The following DNAAF9 variants were observed in gnomAD, a reference collection of about 807,000 sequenced individuals.
The protein encoded by DNAAF9 is shulin.
Under a neutral mutation model 167.0 loss-of-function variants are expected in DNAAF9, and 90 were observed. The ratio of observed to expected loss-of-function variants is 0.54; its 90% confidence interval spans 0.45 to 0.64. The LOEUF (loss-of-function observed/expected upper bound fraction) is 0.64, where lower values mean the gene tolerates loss of function less well. Ranked by LOEUF, DNAAF9 falls within the 30% of genes least tolerant of loss-of-function variation. DNAAF9 has a pLI of 0.00. For synonymous variants in DNAAF9, 491 were observed against 508.8 expected (o/e 0.96, Z 0.47); for missense variants, 1,315 against 1,442.2 (o/e 0.91, Z 1.43).
intron 14 of DNAAF9, among the ~76,000 whole-genome samples, chr20:3,324,684 T>A (rs1312133234): frequency 6.6e-6 from 1 of 152,174 alleles, no homozygotes; most frequent in Non-Finnish European, 1.5e-5. Context: ...CCTCAGAACA[T>A]GTGTGTGACT....
chr20:3,253,985 TC>T (rs2068235754), intron 35 of DNAAF9, among the ~76,000 whole-genome samples, 166 bp from the exon 36 acceptor site: 1 of 152,210 alleles, frequency 6.6e-6, no homozygotes, highest in East Asian at 1.9e-4. Context: ...CTGAGGTGGT[TC>T]CCCACCTCTC....
At chr20:3,285,681 T>TAA (rs774457454) in intron 27 of DNAAF9, among the ~76,000 whole-genome samples, 25,652 of 103,700 alleles carry the variant, frequency 0.25, 2,609 homozygotes, top group African/African-American at 0.29. Flanking sequence ...TCTGTCTCAT[T>TAA]AAAAAAAAAA....
intron 27 of DNAAF9, among the ~76,000 whole-genome samples, chr20:3,284,542 CTG>C (rs1276506048): frequency 6.6e-6 from 1 of 152,134 alleles, no homozygotes; most frequent in Non-Finnish European, 1.5e-5. Flanking sequence ...AGGCAAAAAA[CTG>C]TCTCTTCACG....
At chr20:3,308,336 C>A in intron 20 of DNAAF9, among the ~76,000 whole-genome samples, 1 of 124,566 alleles carries the variant, frequency 8.0e-6, no homozygotes, top group South Asian at 2.8e-4. Context: ...CTGTACAAAA[C>A]TTTACTTTTT....
At chr20:3,253,650 G>A (rs2068229889) in intron 36 of DNAAF9, 76 bp downstream of exon 36, 3 of 881,906 alleles carry the variant, frequency 3.4e-6, no homozygotes, top group South Asian at 2.7e-5. Flanking sequence ...GCAGACAACC[G>A]CTTTGCAGAC....
chr20:3,395,981 G>C (rs559670597), intron 1 of DNAAF9, among the ~76,000 whole-genome samples: 16 of 152,238 alleles, frequency 1.1e-4, no homozygotes, highest in African/African-American at 3.4e-4. Context: ...TCCCTGTGCT[G>C]TTCCCATGAC....
chr20:3,301,840 C>T (rs1240212071), intron 21 of DNAAF9, among the ~76,000 whole-genome samples: 2 of 152,082 alleles, frequency 1.3e-5, no homozygotes, highest in Admixed American at 6.6e-5. Context: ...AAAGATACAA[C>T]TCTTCGCAGA....
At chr20:3,344,113 G>T (rs2070143970) in intron 8 of DNAAF9, among the ~76,000 whole-genome samples, 1 of 152,246 alleles carries the variant, frequency 6.6e-6, no homozygotes, top group Non-Finnish European at 1.5e-5. Flanking sequence ...GGTCCAAGTT[G>T]CTAATCATGT....
At chr20:3,395,512 C>T (rs924755364) in intron 1 of DNAAF9, among the ~76,000 whole-genome samples, 1 of 152,052 alleles carries the variant, frequency 6.6e-6, no homozygotes, top group Non-Finnish European at 1.5e-5. Context: ...AACTCCTGGC[C>T]TCAAGCAATC....
At chr20:3,286,827 A>G (rs1356795819) in intron 27 of DNAAF9, among the ~76,000 whole-genome samples, 2 of 152,212 alleles carry the variant, frequency 1.3e-5, no homozygotes, top group African/African-American at 2.4e-5. Flanking sequence ...AAACACTAAC[A>G]TAGCACAAAA....
At chr20:3,379,369 T>G (rs1014315070) in intron 3 of DNAAF9, among the ~76,000 whole-genome samples, 68 of 148,526 alleles carry the variant, frequency 4.6e-4, no homozygotes, top group African/African-American at 1.6e-3. Context: ...CCCAACACTG[T>G]GAGGCCAAGG....
chr20:3,268,278 G>A (rs1319821665), intron 30 of DNAAF9, among the ~76,000 whole-genome samples: 34 of 151,026 alleles, frequency 2.3e-4, no homozygotes, highest in African/African-American at 8.3e-4. Context: ...CAGGTGATAC[G>A]CCCGCCTCGC....
At chr20:3,310,327 G>GAA (rs1568596495) in intron 20 of DNAAF9, among the ~76,000 whole-genome samples, 864 of 66,170 alleles carry the variant, frequency 0.013, 13 homozygotes, top group African/African-American at 0.049. Flanking sequence ...AAAGGAAAGA[G>GAA]AAAGAAAAAG....
intron 1 of DNAAF9, among the ~76,000 whole-genome samples, chr20:3,396,125 T>C (rs1337826183): frequency 6.6e-6 from 1 of 152,256 alleles, no homozygotes; most frequent in Non-Finnish European, 1.5e-5. Flanking sequence ...CCCAGCCACG[T>C]GGAACTGTGA....
intron 6 of DNAAF9, among the ~76,000 whole-genome samples, chr20:3,373,846 C>T (rs935970159): frequency 3.9e-5 from 6 of 152,102 alleles, no homozygotes; most frequent in African/African-American, 1.4e-4. Context: ...AGAAGAACTC[C>T]AAGAAGAAAG....
intron 10 of DNAAF9, among the ~76,000 whole-genome samples, chr20:3,332,574 A>G (rs1600802177): frequency 6.7e-6 from 1 of 150,226 alleles, no homozygotes; most frequent in African/African-American, 2.5e-5. Flanking sequence ...CTGCCTCAGC[A>G]CCCCCAGCAG....
At chr20:3,352,987 G>C (rs923695978) in intron 7 of DNAAF9, among the ~76,000 whole-genome samples, 12 of 148,570 alleles carry the variant, frequency 8.1e-5, no homozygotes, top group Non-Finnish European at 1.3e-4. Flanking sequence ...ACTTCTCTAT[G>C]CCCACTTTAC....
chr20:3,368,011 C>T (rs577297359), intron 6 of DNAAF9, among the ~76,000 whole-genome samples: 1 of 151,922 alleles, frequency 6.6e-6, no homozygotes, highest in African/African-American at 2.4e-5. Context: ...CTGGTGAAAA[C>T]AGGCACTGTT....
At chr20:3,263,299 T>G (rs919272668) in intron 31 of DNAAF9, among the ~76,000 whole-genome samples, 2 of 152,042 alleles carry the variant, frequency 1.3e-5, no homozygotes, top group Non-Finnish European at 1.5e-5. Context: ...ACGAAAAAAG[T>G]TGGTGGTGTA....
Sources: gnomAD v4.1 joint callset for allele counts (sites outside exome capture counted in the v4.1 genomes callset) on GRCh38, gnomAD v4.1.1 for gene constraint, MANE v1.5 for transcripts, NCBI Gene and HGNC (gene_info 2026-07-23, HGNC 2026-07-21) for gene names.